TENM4: variants seen among roughly 807,000 people sequenced by gnomAD.
TENM4 encodes the protein teneurin transmembrane protein 4.
In TENM4, 82 loss-of-function variants were observed where a neutral mutation model predicts 243.3. That is an observed-to-expected ratio of 0.34 (90% CI 0.28 to 0.40). TENM4 has a LOEUF of 0.40. Ranked by LOEUF, TENM4 falls within the 10% of genes least tolerant of loss-of-function variation. The pLI is 1.00. For synonymous variants in TENM4, 1,412 were observed against 1,456.3 expected (o/e 0.97, Z 0.69); for missense variants, 3,138 against 3,673.3 (o/e 0.85, Z 3.77).
At chr11:79,330,371 C>T (rs1343122963) in intron 1 of TENM4, among the ~76,000 whole-genome samples, 2 of 152,144 alleles carry the variant, frequency 1.3e-5, no homozygotes, top group African/African-American at 4.8e-5. Context: ...AATCGCTGGC[C>T]TCTGCTCAGT....
chr11:79,024,752 G>A (rs1045398093), intron 6 of TENM4, among the ~76,000 whole-genome samples: 2 of 152,190 alleles, frequency 1.3e-5, no homozygotes, highest in African/African-American at 4.8e-5. Flanking sequence ...TGTGTATGGT[G>A]CCTTTATGTA....
chr11:79,312,151 C>T (rs779542836), intron 1 of TENM4, among the ~76,000 whole-genome samples: 1 of 152,162 alleles, frequency 6.6e-6, no homozygotes, highest in Non-Finnish European at 1.5e-5. Context: ...CTACAGCTCC[C>T]CACAGGACTC....
intron 12 of TENM4, among the ~76,000 whole-genome samples, chr11:78,830,934 C>T (rs924525521): frequency 1.3e-5 from 2 of 152,148 alleles, no homozygotes; most frequent in South Asian, 2.1e-4. Flanking sequence ...AATAAGGTAA[C>T]AATAGTAGCC....
intron 10 of TENM4, among the ~76,000 whole-genome samples, chr11:78,857,294 C>T (rs540435259): frequency 5.9e-5 from 9 of 152,218 alleles, no homozygotes; most frequent in African/African-American, 2.2e-4. Context: ...TTCGAAGAGA[C>T]ACTTCAGAGA....
intron 2 of TENM4, among the ~76,000 whole-genome samples, chr11:79,254,203 C>A (rs543082444): frequency 6.6e-6 from 1 of 152,262 alleles, no homozygotes; most frequent in African/African-American, 2.4e-5. Flanking sequence ...ACCCATCCCC[C>A]AAAACATGCC....
At chr11:78,793,482 A>C (rs1259485786) in intron 15 of TENM4, among the ~76,000 whole-genome samples, 1 of 152,210 alleles carries the variant, frequency 6.6e-6, no homozygotes, top group African/African-American at 2.4e-5. Context: ...AGTGACCTTA[A>C]GAAATTTTAA....
chr11:78,854,741 G>A (rs890700712), intron 11 of TENM4, among the ~76,000 whole-genome samples: 1 of 152,130 alleles, frequency 6.6e-6, no homozygotes, highest in African/African-American at 2.4e-5. Flanking sequence ...GCAGAGGCGG[G>A]TGGCTGGGAC....
chr11:78,668,892 G>C, intron 32 of TENM4, 45 bp downstream of exon 32: 1 of 1,535,998 alleles, frequency 6.5e-7, no homozygotes, highest in South Asian at 1.2e-5. Context: ...TAGGTAGTAA[G>C]AGCACTTTAT....
intron 4 of TENM4, among the ~76,000 whole-genome samples, chr11:79,129,378 A>G (rs1861950925): frequency 6.6e-6 from 1 of 152,184 alleles, no homozygotes. Flanking sequence ...GCTCCTGGCC[A>G]GAACTTGGGG....
chr11:78,877,661 C>T (rs946496161), intron 9 of TENM4, among the ~76,000 whole-genome samples: 1 of 152,142 alleles, frequency 6.6e-6, no homozygotes, highest in African/African-American at 2.4e-5. Context: ...CCCCCAGGGC[C>T]TCCAACCCCT....
intron 15 of TENM4, among the ~76,000 whole-genome samples, chr11:78,793,016 A>T (rs1455227261): frequency 6.6e-6 from 1 of 152,202 alleles, no homozygotes; most frequent in African/African-American, 2.4e-5. Flanking sequence ...ATGTCAAAAA[A>T]TGTATATGTA....
At chr11:78,723,126 G>A (rs1362866838) in intron 23 of TENM4, among the ~76,000 whole-genome samples, 2 of 152,220 alleles carry the variant, frequency 1.3e-5, no homozygotes, top group Non-Finnish European at 2.9e-5. Flanking sequence ...CCATAGCTCT[G>A]TAAGATAGAC....
At chr11:78,796,718 C>T (rs1181715350) in intron 15 of TENM4, among the ~76,000 whole-genome samples, 1 of 152,172 alleles carries the variant, frequency 6.6e-6, no homozygotes, top group Admixed American at 6.5e-5. Flanking sequence ...CATCTTTTCC[C>T]CCTCTCACTA....
chr11:79,270,656 A>G lies in TENM4; in HGVS notation c.-265+26832T>C, dbSNP rs117903973. On this transcript the variant is annotated intron_variant, in intron 2 of 33. Transcript: ENST00000278550. ...TCTGCTTGCTGTTCACATTCTCTCT[A>G]TCTAGAGCACCCTCCACTTCACTTC... Among the ~76,000 whole-genome samples the G allele has an allele frequency of 7.7e-4, 117 of 151,826 alleles. No individual in the cohort carries two copies. The East Asian group carries it at 0.011, about 15-fold the overall frequency.
At chr11:79,370,193 A>T (rs908617341) in intron 1 of TENM4, among the ~76,000 whole-genome samples, 1 of 152,234 alleles carries the variant, frequency 6.6e-6, no homozygotes, top group Non-Finnish European at 1.5e-5. Flanking sequence ...GCTCCTGCTC[A>T]CAGGCCATGG....
At chr11:79,082,649 A>G (rs1294269868) in intron 4 of TENM4, among the ~76,000 whole-genome samples, 1 of 152,172 alleles carries the variant, frequency 6.6e-6, no homozygotes, top group East Asian at 1.9e-4. Flanking sequence ...AAGTTCTGTG[A>G]GATGCAGTGA....
At chr11:79,177,192 T>TATAA (rs1863178365) in intron 3 of TENM4, among the ~76,000 whole-genome samples, 1 of 152,070 alleles carries the variant, frequency 6.6e-6, no homozygotes, top group Non-Finnish European at 1.5e-5. Context: ...ATATTGGTAT[T>TATAA]CAGTATATAA....
At chr11:79,008,691 T>A (rs146417426) in intron 6 of TENM4, among the ~76,000 whole-genome samples, 75 of 152,310 alleles carry the variant, frequency 4.9e-4, no homozygotes, top group Non-Finnish European at 7.9e-4. Context: ...TTTTTTTTTG[T>A]GATTATAAAT....
At chr11:79,119,713 A>G (rs1445051558) in intron 4 of TENM4, among the ~76,000 whole-genome samples, 1 of 152,202 alleles carries the variant, frequency 6.6e-6, no homozygotes, top group Non-Finnish European at 1.5e-5. Context: ...AGTAGCCACA[A>G]CAGCCTCTTG....
Sources: allele counts gnomAD v4.1 joint callset (sites outside exome capture counted in the v4.1 genomes callset), GRCh38; gene constraint gnomAD v4.1.1; transcripts MANE v1.5; gene names NCBI Gene and HGNC (gene_info 2026-07-23, HGNC 2026-07-21).